The following MME variants were observed in gnomAD, a reference collection of about 807,000 sequenced individuals.
MME encodes membrane metalloendopeptidase, also known as neprilysin.
A neutral mutation model predicts 113.2 loss-of-function variants in MME; 98 were observed. The observed-to-expected ratio is 0.87, with a 90% CI of 0.74 to 1.02. MME has a LOEUF of 1.02. MME is among the 50% of genes least tolerant of loss of function. MME has a pLI of 0.00. For missense variants in MME, 836 were observed against 896.0 expected, an observed-to-expected ratio of 0.93 and a Z score of 0.86; for synonymous variants, 292 against 300.6, an observed-to-expected ratio of 0.97 and a Z score of 0.30.
intron 3 of MME, among the ~76,000 whole-genome samples, chr3:155,109,263 C>T (rs924883717): frequency 6.6e-6 from 1 of 152,096 alleles, no homozygotes; most frequent in African/African-American, 2.4e-5. Flanking sequence ...GAGCCCTCCT[C>T]AAGACTTGAG....
intron 3 of MME, among the ~76,000 whole-genome samples, chr3:155,092,077 C>A (rs1367898560): frequency 6.6e-6 from 1 of 152,098 alleles, no homozygotes; most frequent in East Asian, 1.9e-4. Flanking sequence ...GAGGATTTCC[C>A]CTCCCTCTGC....
intron 20 of MME, 72 bp downstream of exon 20, chr3:155,168,869 C>G (rs990676595): frequency 7.4e-7 from 1 of 1,358,020 alleles, no homozygotes; most frequent in Non-Finnish European, 1.0e-6. Context: ...TCATTTAAAA[C>G]CTTTTGCAAA....
chr3:155,127,581 G>A (rs553014216), intron 8 of MME, among the ~76,000 whole-genome samples: 3 of 152,200 alleles, frequency 2.0e-5, no homozygotes, highest in Admixed American at 6.5e-5. Context: ...AGAGAGGAAG[G>A]TCGTATCATT....
chr3:155,144,538 AT>A (rs1721365735), intron 14 of MME, 81 bp downstream of exon 14: 3 of 883,764 alleles, frequency 3.4e-6, no homozygotes, highest in Admixed American at 4.2e-5. Context: ...TTAGAAAAAA[AT>A]ATAATCAAAG....
At chr3:155,061,661 GT>G (rs1194964540) in intron 1 of MME, among the ~76,000 whole-genome samples, 3,159 of 133,648 alleles carry the variant, frequency 0.024, 36 homozygotes, top group African/African-American at 0.058. Context: ...TTATCTGTAG[GT>G]TTTTTTTTTT....
intron 1 of MME, among the ~76,000 whole-genome samples, chr3:155,059,147 C>T (rs1714046651): frequency 6.7e-6 from 1 of 149,604 alleles, no homozygotes; most frequent in East Asian, 2.0e-4. Context: ...CCCAGCTATT[C>T]AAGGGGCTGA....
chr3:155,144,664 C>T (rs962796806), intron 14 of MME, among the ~76,000 whole-genome samples: 1 of 152,032 alleles, frequency 6.6e-6, no homozygotes, highest in Non-Finnish European at 1.5e-5. Context: ...AATACTCTAG[C>T]AAGGTGAAAA....
At chr3:155,156,960 T>A (rs1328449550) in intron 16 of MME, among the ~76,000 whole-genome samples, 2 of 152,104 alleles carry the variant, frequency 1.3e-5, no homozygotes, top group East Asian at 3.9e-4. Context: ...CAGTCTGTTG[T>A]CTTCTGCTTT....
chr3:155,064,432 A>C (rs553221193), intron 1 of MME, among the ~76,000 whole-genome samples: 1 of 152,246 alleles, frequency 6.6e-6, no homozygotes, highest in Non-Finnish European at 1.5e-5. Context: ...TGGGAGATTC[A>C]TTAAGTGAGG....
chr3:155,180,170 C>T (rs966332046), intron 22 of MME, among the ~76,000 whole-genome samples, 190 bp from the exon 23 acceptor site: 1 of 152,178 alleles, frequency 6.6e-6, no homozygotes, highest in Non-Finnish European at 1.5e-5. Context: ...AACTCCTGTT[C>T]TTTGTTACTT....
chr3:155,038,886 G>T (rs1257361166), intron 1 of MME, among the ~76,000 whole-genome samples: 2 of 151,846 alleles, frequency 1.3e-5, no homozygotes, highest in African/African-American at 4.8e-5. Flanking sequence ...TTTGCTTTGG[G>T]GCATTATCAA....
At chr3:155,142,159 G>T in intron 11 of MME, 32 bp downstream of exon 11, 1 of 1,613,636 alleles carries the variant, frequency 6.2e-7, no homozygotes, top group South Asian at 1.1e-5. Flanking sequence ...TGTCCTCAAA[G>T]TTTGCATTTC....
upstream of MME, among the ~76,000 whole-genome samples, chr3:155,077,167 T>C (rs1171642825): frequency 1.3e-5 from 2 of 152,194 alleles, no homozygotes; most frequent in African/African-American, 4.8e-5. Flanking sequence ...GTTTTTGGCT[T>C]CTAAGATTTT....
intron 3 of MME, among the ~76,000 whole-genome samples, chr3:155,098,700 G>T (rs73010291): frequency 0.017 from 2,552 of 152,134 alleles, 77 homozygotes; most frequent in African/African-American, 0.058. Context: ...GGGGTTACTC[G>T]AGATGAAGAT....
rs1293816826 is a variant in MME at position 155,172,844 on chromosome 3, TA to T, written c.2153+233del. Among the ~76,000 whole-genome samples, 6 of 152,144 alleles carry T rather than the reference TA, an allele frequency of 3.9e-5. No individual in the cohort carries two copies. The East Asian group carries it at 1.2e-3, about 29-fold the overall frequency. On this transcript the variant is annotated intron_variant, in intron 22 of 22. Coordinates refer to ENST00000360490, the MANE Select transcript of MME (RefSeq NM_007289.4). ...ACAATAATTATAATTCCTTAGAATC[TA>T]CGAGGCTCAGGGCTTGATCTATTCC...
intron 13 of MME, among the ~76,000 whole-genome samples, chr3:155,143,979 A>T (rs1012419845): frequency 2.6e-5 from 4 of 152,318 alleles, no homozygotes; most frequent in African/African-American, 7.2e-5. Flanking sequence ...TAGGAAAATG[A>T]AGACAGTGGA....
At chr3:155,115,272 C>A in intron 4 of MME, 117 bp downstream of exon 4, 1 of 1,299,918 alleles carries the variant, frequency 7.7e-7, no homozygotes, top group Non-Finnish European at 1.1e-6. Flanking sequence ...GTTAATAATC[C>A]TTCCAGGATT....
intron 18 of MME, 86 bp from the exon 19 acceptor site, chr3:155,168,406 A>AT: frequency 8.6e-7 from 1 of 1,163,358 alleles, no homozygotes; most frequent in Non-Finnish European, 1.3e-6. Context: ...ACACAGCAGT[A>AT]TTTCAGTCCT....
intron 3 of MME, among the ~76,000 whole-genome samples, chr3:155,087,665 G>A (rs971091583): frequency 2.0e-5 from 3 of 151,982 alleles, no homozygotes; most frequent in Admixed American, 6.6e-5. Context: ...TGTCTCTTTG[G>A]TATCTTAATC....
Sources: allele counts gnomAD v4.1 joint callset (sites outside exome capture counted in the v4.1 genomes callset), GRCh38; gene constraint gnomAD v4.1.1; transcripts MANE v1.5; gene names NCBI Gene and HGNC (gene_info 2026-07-23, HGNC 2026-07-21).